PPM1E: variants seen among roughly 807,000 people sequenced by gnomAD.
The protein encoded by PPM1E is protein phosphatase 1E.
Under a neutral mutation model 65.9 loss-of-function variants are expected in PPM1E, and 20 were observed. The observed-to-expected ratio is 0.30, with a 90% confidence interval of 0.21 to 0.44. The LOEUF (loss-of-function observed/expected upper bound fraction) is 0.44, where lower values mean the gene tolerates loss of function less well. PPM1E is among the 20% of genes least tolerant of loss of function. PPM1E has a pLI of 1.00. For missense variants in PPM1E, 713 were observed against 953.1 expected (o/e 0.75, Z 3.32); for synonymous variants, 352 against 374.9 (o/e 0.94, Z 0.70).
intron 1 of PPM1E, among the ~76,000 whole-genome samples, chr17:58,823,766 T>A (rs2050504166): frequency 6.6e-6 from 1 of 152,194 alleles, no homozygotes. Flanking sequence ...AGTCTTGCTC[T>A]GTTGCCCAGG....
Position 58,756,132 on chromosome 17 carries a change from C to G in PPM1E, c.135C>G (p.Ser45=). Residue 45 remains serine (S), a synonymous_variant, in exon 1 of 7, where the codon TCC becomes TCG. Transcript: ENST00000308249. ...CCGAACCCGAACCCGAACCCGAGTC[C>G]GAGCCCGAGCCCGAACCTGAACTGG... ...PEPEPEPEPE[S]EPEPEPELVE... 6.2e-7 allele frequency: 1 copy of G among 1,604,472 alleles called. No homozygotes were observed. Among genetic ancestry groups the G allele is most frequent in the South Asian group, 1.1e-5 (1 of 89,926 alleles).
At chr17:58,884,837 C>T (rs1390377744) in intron 1 of PPM1E, among the ~76,000 whole-genome samples, 2 of 152,000 alleles carry the variant, frequency 1.3e-5, no homozygotes, top group Non-Finnish European at 2.9e-5. Context: ...TAGAGCAATG[C>T]CTTGCACATA....
At chr17:58,949,498 TGG>T (rs1350693480) in intron 1 of PPM1E, among the ~76,000 whole-genome samples, 4 of 152,200 alleles carry the variant, frequency 2.6e-5, no homozygotes, top group Non-Finnish European at 4.4e-5. Flanking sequence ...TTCTTTTAAT[TGG>T]GAATTTTAAC....
intron 1 of PPM1E, among the ~76,000 whole-genome samples, chr17:58,810,294 G>A (rs1047408000): frequency 6.6e-6 from 1 of 151,844 alleles, no homozygotes; most frequent in South Asian, 2.1e-4. Context: ...TGCAACCTCC[G>A]CCTCTGGGTT....
At chr17:58,774,457 T>C (rs934657070) in intron 1 of PPM1E, among the ~76,000 whole-genome samples, 8 of 152,164 alleles carry the variant, frequency 5.3e-5, no homozygotes, top group African/African-American at 2.4e-5. Context: ...TATTGGCCAT[T>C]TTCTGTGAAT....
intron 1 of PPM1E, among the ~76,000 whole-genome samples, chr17:58,859,616 C>T (rs1054607054): frequency 6.6e-6 from 1 of 152,218 alleles, no homozygotes; most frequent in African/African-American, 2.4e-5. Flanking sequence ...TGACTCAAGT[C>T]AGGCTACATA....
rs1176972793 is a variant in PPM1E at position 58,981,059 on chromosome 17, C to T, written c.*28C>T. 6.8e-7 allele frequency: 1 copy of T among 1,470,764 alleles called. No homozygotes were observed. The highest frequency in any genetic ancestry group is 9.2e-7 in the Non-Finnish European group (1 of 1,084,614). The allele number at this position is 1,470,764 out of a possible 1,614,324, so 91.1% of individuals were successfully genotyped here. A position where few individuals can be genotyped will look rare whatever the true frequency, so the allele number is the denominator to read the frequency against. On this transcript the variant is annotated 3_prime_UTR_variant, in exon 7 of 7. Transcript: ENST00000308249. ...TTTCTTTCAAGTAGGTTAGCTAGCT[C>T]TCCCCCAATAAAAATACCACTATCA...
chr17:58,965,596 A>G (rs2030197383), intron 2 of PPM1E, 98 bp from the exon 3 acceptor site: 1 of 1,141,940 alleles, frequency 8.8e-7, no homozygotes, highest in Non-Finnish European at 1.3e-6. Flanking sequence ...TGAAGGAGGA[A>G]CTTGACTAAG....
intron 1 of PPM1E, among the ~76,000 whole-genome samples, chr17:58,953,845 T>G (rs9915462): frequency 4.9e-4 from 75 of 152,098 alleles, no homozygotes; most frequent in African/African-American, 1.8e-3. Context: ...CCTCCTGGGT[T>G]CAAGTGATTC....
chr17:58,824,108 A>C (rs1056825609), intron 1 of PPM1E, among the ~76,000 whole-genome samples: 6 of 152,216 alleles, frequency 3.9e-5, no homozygotes, highest in Non-Finnish European at 8.8e-5. Context: ...TATGTTTTTA[A>C]AACATGAGTT....
intron 1 of PPM1E, among the ~76,000 whole-genome samples, chr17:58,924,475 C>G (rs1010174760): frequency 6.6e-6 from 1 of 152,054 alleles, no homozygotes; most frequent in African/African-American, 2.4e-5. Flanking sequence ...TGCTTGAGCC[C>G]AGGAGTTCAA....
intron 1 of PPM1E, among the ~76,000 whole-genome samples, chr17:58,923,546 G>C (rs1033080948): frequency 2.0e-5 from 3 of 151,838 alleles, no homozygotes; most frequent in Non-Finnish European, 4.4e-5. Context: ...AGGAGTTCAA[G>C]ACCAGCCTGG....
intron 1 of PPM1E, among the ~76,000 whole-genome samples, chr17:58,943,269 T>C (rs946917921): frequency 6.6e-6 from 1 of 151,750 alleles, no homozygotes; most frequent in Non-Finnish European, 1.5e-5. Context: ...CCCAAATCCT[T>C]CTTGTCAGAG....
At chr17:58,798,735 C>T (rs149195568) in intron 1 of PPM1E, among the ~76,000 whole-genome samples, 119 of 151,646 alleles carry the variant, frequency 7.8e-4, no homozygotes, top group African/African-American at 2.7e-3. Context: ...ACTCTGTCAC[C>T]CAAGCTGGAG....
At chr17:58,901,764 G>A (rs892299054) in intron 1 of PPM1E, among the ~76,000 whole-genome samples, 3 of 152,046 alleles carry the variant, frequency 2.0e-5, no homozygotes, top group Non-Finnish European at 2.9e-5. Flanking sequence ...ATCACCTGAG[G>A]TAGGGAGTTC....
At position 58,787,683 on chromosome 17, in the gene PPM1E, C is replaced by A. The variant is rs139936052; in HGVS notation, c.464+31222C>A. 5.1e-4 allele frequency among the ~76,000 whole-genome samples: 77 copies of A among 151,824 alleles called. No homozygotes were observed. The East Asian group carries it at 0.014, about 27-fold the overall frequency. ...CAGCACTTTGGGAGGCCGAGGCGGG[C>A]GGATCACCAGGTCAGGAGATGAGAC... On this transcript the variant is annotated intron_variant, in intron 1 of 6. Transcript: ENST00000308249.
chr17:58,921,390 T>G (rs1282996570), intron 1 of PPM1E, among the ~76,000 whole-genome samples: 5 of 152,000 alleles, frequency 3.3e-5, no homozygotes, highest in African/African-American at 9.7e-5. Context: ...GGGGATAGAA[T>G]CCAGTAGATG....
intron 1 of PPM1E, among the ~76,000 whole-genome samples, chr17:58,789,500 C>A (rs1183174433): frequency 6.6e-6 from 1 of 152,140 alleles, no homozygotes; most frequent in Admixed American, 6.6e-5. Context: ...TAAATTTACA[C>A]TGCTTTCATC....
At chr17:58,877,076 C>T (rs1045808805) in intron 1 of PPM1E, among the ~76,000 whole-genome samples, 37 of 152,212 alleles carry the variant, frequency 2.4e-4, no homozygotes, top group African/African-American at 8.7e-4. Context: ...AGCCACCGCG[C>T]CTGGCCAAAT....
Sources: gnomAD v4.1 joint callset for allele counts (sites outside exome capture counted in the v4.1 genomes callset) on GRCh38, gnomAD v4.1.1 for gene constraint, MANE v1.5 for transcripts, NCBI Gene and HGNC (gene_info 2026-07-23, HGNC 2026-07-21) for gene names.